TNRC6C: variants seen among roughly 807,000 people sequenced by gnomAD.
TNRC6C encodes the protein trinucleotide repeat containing adaptor 6C, also known as trinucleotide repeat-containing gene 6C protein.
In TNRC6C, 20 loss-of-function variants were observed where a neutral mutation model predicts 153.7. That is an observed-to-expected ratio of 0.13 (90% confidence interval 0.09 to 0.19). TNRC6C has a LOEUF of 0.19. TNRC6C is among the 10% of genes least tolerant of loss of function. The probability of loss-of-function intolerance (pLI) is 1.00; values close to 1 mark genes in which losing one functional copy is unlikely to be tolerated. For synonymous variants in TNRC6C, 811 were observed against 841.4 expected, an observed-to-expected ratio of 0.96 and a Z score of 0.63; for missense variants, 1,987 against 2,172.0, an observed-to-expected ratio of 0.91 and a Z score of 1.69.
chr17:78,088,901 T>C (rs1264799031), intron 13 of TNRC6C, among the ~76,000 whole-genome samples: 1 of 152,016 alleles, frequency 6.6e-6, no homozygotes, highest in African/African-American at 2.4e-5. Context: ...GCTTCAGCTT[T>C]CTATTATTCA....
At chr17:78,092,222 T>C (rs2073406993) in intron 14 of TNRC6C, among the ~76,000 whole-genome samples, 1 of 152,220 alleles carries the variant, frequency 6.6e-6, no homozygotes, top group Non-Finnish European at 1.5e-5. Context: ...TCTCTCTTGA[T>C]AGGAAGCATT....
chr17:77,991,924 A>C (rs1204601070), intron 1 of TNRC6C, among the ~76,000 whole-genome samples: 1 of 152,170 alleles, frequency 6.6e-6, no homozygotes, highest in African/African-American at 2.4e-5. Flanking sequence ...TGGCTCTCTC[A>C]CTTACTGTCT....
chr17:78,082,986 A>T (rs1223924839), intron 10 of TNRC6C, 61 bp from the exon 13 acceptor site: 1 of 1,579,776 alleles, frequency 6.3e-7, no homozygotes, highest in Non-Finnish European at 8.6e-7. Flanking sequence ...GAAAAACTAC[A>T]GGTACAAGTA....
At chr17:78,069,500 C>G (rs1005878078) in intron 5 of TNRC6C, among the ~76,000 whole-genome samples, 5 of 152,216 alleles carry the variant, frequency 3.3e-5, no homozygotes, top group African/African-American at 9.6e-5. Flanking sequence ...CCTCCTGCCT[C>G]AGCCTCCTGA....
At chr17:77,999,596 C>T (rs928626318), upstream of TNRC6C, among the ~76,000 whole-genome samples, 5 of 152,162 alleles carry the variant, frequency 3.3e-5, no homozygotes, top group African/African-American at 1.2e-4. Flanking sequence ...TGCTATGCTG[C>T]GTAACAAATA....
intron 1 of TNRC6C, among the ~76,000 whole-genome samples, chr17:78,009,937 G>A (rs1409885055): frequency 2.0e-5 from 3 of 152,074 alleles, no homozygotes; most frequent in Admixed American, 6.6e-5. Context: ...AGGCTGGAGT[G>A]TAGTGGCACG....
exon 14 of TNRC6C, chr17:78,091,494 C>T (rs200823380): frequency 4.4e-6 from 7 of 1,608,620 alleles, no homozygotes; most frequent in Admixed American, 1.7e-5. Flanking sequence ...GGTGGCTTGT[C>T]GGTGAAGGAC....
chr17:78,063,933 T>G (rs929288994), intron 3 of TNRC6C, among the ~76,000 whole-genome samples: 1 of 152,238 alleles, frequency 6.6e-6, no homozygotes, highest in South Asian at 2.1e-4. Flanking sequence ...TTTAAACTAT[T>G]CTTTTAAACC....
intron 1 of TNRC6C, among the ~76,000 whole-genome samples, chr17:77,980,656 C>T (rs943423197): frequency 8.5e-5 from 13 of 152,140 alleles, no homozygotes; most frequent in African/African-American, 3.1e-4. Context: ...CAGGACTGTC[C>T]CTCCTTGAGA....
At chr17:78,036,372 CTGAG>C (rs1241093859) in intron 2 of TNRC6C, among the ~76,000 whole-genome samples, 3 of 152,154 alleles carry the variant, frequency 2.0e-5, no homozygotes. Flanking sequence ...TTCCCCATAA[CTGAG>C]TATTTGACCA....
intron 1 of TNRC6C, among the ~76,000 whole-genome samples, chr17:78,025,296 A>G (rs754181128): frequency 1.4e-4 from 21 of 152,132 alleles, no homozygotes; most frequent in Non-Finnish European, 2.2e-4. Flanking sequence ...GCCTTCTCCA[A>G]AATGTCACGT....
chr17:78,085,861 C>G (rs1170023003), intron 11 of TNRC6C, among the ~76,000 whole-genome samples: 1 of 149,540 alleles, frequency 6.7e-6, no homozygotes, highest in African/African-American at 2.5e-5. Context: ...TTTTAAGTTT[C>G]AGTTTGTATG....
exon 14 of TNRC6C, chr17:78,091,518 A>G: frequency 6.2e-7 from 1 of 1,609,658 alleles, no homozygotes; most frequent in South Asian, 1.1e-5. Context: ...TCCCAGTCCC[A>G]GTCACGCCTC....
chr17:78,026,435 T>C (rs2071942886), intron 1 of TNRC6C, among the ~76,000 whole-genome samples: 1 of 152,358 alleles, frequency 6.6e-6, no homozygotes, highest in East Asian at 1.9e-4. Flanking sequence ...TTATGCACTA[T>C]TTTATGTACC....
At chr17:78,064,838 C>T in exon 4 of TNRC6C, 1 of 1,613,582 alleles carries the variant, frequency 6.2e-7, no homozygotes, top group Non-Finnish European at 8.5e-7. Context: ...GGGGAAGCCA[C>T]CCAGCAGTGG....
At chr17:78,069,571 G>A (rs2072950818) in intron 5 of TNRC6C, among the ~76,000 whole-genome samples, 2 of 151,952 alleles carry the variant, frequency 1.3e-5, no homozygotes, top group Non-Finnish European at 1.5e-5. Context: ...TATTTTTTCT[G>A]TAGAGACAGA....
chr17:77,986,156 C>T (rs371253589), intron 1 of TNRC6C, among the ~76,000 whole-genome samples: 124 of 152,214 alleles, frequency 8.1e-4, no homozygotes, highest in African/African-American at 2.6e-3. Flanking sequence ...GTGGCTCACA[C>T]CTGTAATCCC....
intron 1 of TNRC6C, among the ~76,000 whole-genome samples, chr17:77,967,307 T>A (rs902375671): frequency 2.0e-5 from 3 of 152,212 alleles, no homozygotes; most frequent in Admixed American, 2.0e-4. Context: ...AATAACATGT[T>A]CATCTTTGTA....
intron 3 of TNRC6C, among the ~76,000 whole-genome samples, chr17:78,055,384 G>C (rs1487551357): frequency 6.6e-6 from 1 of 152,144 alleles, no homozygotes; most frequent in African/African-American, 2.4e-5. Context: ...TGGTAACATA[G>C]TCTTGTATCA....
Sources: allele counts gnomAD v4.1 joint callset (sites outside exome capture counted in the v4.1 genomes callset), GRCh38; gene constraint gnomAD v4.1.1; transcripts MANE v1.5; gene names NCBI Gene and HGNC (gene_info 2026-07-23, HGNC 2026-07-21).